The following HERC5 variants were observed in gnomAD, a reference collection of about 807,000 sequenced individuals.
HERC5 encodes the protein HECT and RLD domain containing E3 ubiquitin protein ligase 5.
In HERC5, 99 loss-of-function variants were observed where a neutral mutation model predicts 119.6. The ratio of observed to expected loss-of-function variants is 0.83; its 90% CI spans 0.70 to 0.98. The LOEUF is 0.98. HERC5 is among the 50% of genes least tolerant of loss of function. HERC5 has a pLI of 0.00. For synonymous variants in HERC5, 478 were observed against 445.9 expected (o/e 1.07, Z -0.91); for missense variants, 1,267 against 1,241.3 (o/e 1.02, Z -0.31).
intron 14 of HERC5, among the ~76,000 whole-genome samples, chr4:88,486,432 G>T (rs1741469510): frequency 6.6e-6 from 1 of 152,160 alleles, no homozygotes; most frequent in Admixed American, 6.5e-5. Context: ...TATGAAAAAT[G>T]CACAAAAAGG....
chr4:88,476,845 G>C (rs1198728960), intron 12 of HERC5, among the ~76,000 whole-genome samples: 2 of 151,746 alleles, frequency 1.3e-5, no homozygotes, highest in Non-Finnish European at 2.9e-5. Context: ...CGCTTGACCT[G>C]AGAGGCAGAG....
At chr4:88,485,358 G>A (rs1490194744) in intron 13 of HERC5, among the ~76,000 whole-genome samples, 1 of 152,188 alleles carries the variant, frequency 6.6e-6, no homozygotes, top group Non-Finnish European at 1.5e-5. Context: ...AATGATAAAT[G>A]TAAGGCCAAG....
chr4:88,460,854 G>C (rs981540143), intron 3 of HERC5, among the ~76,000 whole-genome samples: 2 of 152,114 alleles, frequency 1.3e-5, no homozygotes, highest in Non-Finnish European at 2.9e-5. Context: ...GCTGGGCATG[G>C]TGGCTTCCAC....
At chr4:88,483,304 G>A (rs1741344887) in intron 13 of HERC5, among the ~76,000 whole-genome samples, 1 of 151,730 alleles carries the variant, frequency 6.6e-6, no homozygotes, top group Admixed American at 6.6e-5. Context: ...GAACTCCTGG[G>A]CTCAAGTGAT....
chr4:88,467,152 C>T lies in HERC5; in HGVS notation c.1005C>T (p.Asp335=). 1.2e-6 allele frequency: 2 copies of T among 1,614,122 alleles called. No individual in the cohort carries two copies. Among genetic ancestry groups the T allele is most frequent in the Non-Finnish European group, 1.7e-6 (2 of 1,180,014 alleles). The change falls in exon 7 of 23, where the codon GAC becomes GAT. Residue 335 remains aspartate (D), a synonymous_variant. Transcript: ENST00000264350. ...AACTGGGAAATGGTGGAACACGTGA[C>T]CAGCTGATGCCGCTTCCAGTGAAAG... The part of the protein sequence containing the change: ...DGQLGNGGTR[D]QLMPLPVKVS...
rs141482515 is a variant in HERC5, at chr4:88,493,044, C to T, written c.2166C>T (p.Leu722=). 3.1e-6 allele frequency: 5 copies of T among 1,613,728 alleles called. No homozygotes were observed. Among genetic ancestry groups the T allele is most frequent in the African/African-American group, 2.7e-5 (2 of 74,890 alleles). The change falls in exon 17 of 23, where the codon CTC becomes CTT. Residue 722 remains leucine (L), a synonymous_variant. Transcript: ENST00000264350. ...TTAGTGGAGAAATTGGGTATGACCTCGGAGGAGTCAAGAAAGAGTTCTTCT... is the reference window on the plus strand; with the variant it reads ...TTAGTGGAGAAATTGGGTATGACCTTGGAGGAGTCAAGAAAGAGTTCTTCT... ...VSFSGEIGYD[L]GGVKKEFFYC...
intron 9 of HERC5, among the ~76,000 whole-genome samples, chr4:88,470,347 A>G (rs528863674): frequency 6.6e-6 from 1 of 152,306 alleles, no homozygotes; most frequent in East Asian, 1.9e-4. Context: ...CCATAAATCA[A>G]GCCTTTCCTC....
At position 88,467,206 on chromosome 4, in the gene HERC5, T is replaced by G; in HGVS notation, c.1057+2T>G. 2 of 1,614,046 alleles carry G rather than the reference T, an allele frequency of 1.2e-6. No homozygotes were observed. Among genetic ancestry groups the G allele is most frequent in the Non-Finnish European group, 1.7e-6 (2 of 1,179,922 alleles). On this transcript the variant is annotated splice_donor_variant, in intron 7 of 22. Transcript: ENST00000264350. LOFTEE classifies it high-confidence loss of function. ...CATCAAGTGAAGAACTCAAACTTGG[T>G]AAATTCTATAGGAACATAGGGTTTG... is the stretch of plus-strand genomic sequence containing the variant.
rs570392815 is a variant in HERC5, at chr4:88,468,290, T to C, written c.1058-56T>C. ...AATCTGAAGTTATTTAAATTGAACA[T>C]GCATGTTTGTGCCAAATGACTTTCT... On this transcript the variant is annotated intron_variant, in intron 7 of 22. Coordinates refer to ENST00000264350, the MANE Select transcript of HERC5 (RefSeq NM_016323.4). 74 of 1,169,478 alleles carry C rather than the reference T, an allele frequency of 6.3e-5. No individual in the cohort carries two copies. In the East Asian group the frequency reaches 1.8e-3, roughly 28 times the overall value. 72.4% of individuals were successfully genotyped at this position (1,169,478 alleles called of 1,614,324 possible). A position where few individuals can be genotyped will look rare whatever the true frequency, so the allele number is the denominator to read the frequency against.
intron 13 of HERC5, among the ~76,000 whole-genome samples, chr4:88,485,510 G>C (rs1223424939): frequency 6.6e-6 from 1 of 152,182 alleles, no homozygotes. Flanking sequence ...AGTGCATATA[G>C]CCAAGATGAG....
chr4:88,457,259 G>C lies in HERC5; in HGVS notation c.-11G>C. 1 of 1,325,102 alleles carries C rather than the reference G, an allele frequency of 7.5e-7. No individual in the cohort carries two copies. The highest frequency in any genetic ancestry group is 9.6e-7 in the Non-Finnish European group (1 of 1,038,532). The allele number at this position is 1,325,102 out of a possible 1,614,324, so 82.1% of individuals were successfully genotyped here. ...CTCTCGCCTCTGGGCCTGGGACCCC[G>C]CAAAGCGGCGATGGAGCGGAGGTCG... On this transcript the variant is annotated 5_prime_UTR_variant, in exon 1 of 23. Transcript: ENST00000264350.
intron 14 of HERC5, 130 bp from the exon 15 acceptor site, chr4:88,486,939 A>C (rs1286504678): frequency 1.7e-6 from 1 of 577,442 alleles, no homozygotes; most frequent in Admixed American, 3.3e-5. Flanking sequence ...GGTACTATGG[A>C]CCAGTAATTT....
At chr4:88,463,817 A>T (rs1334119251) in intron 5 of HERC5, 38 bp from the exon 6 acceptor site, 1 of 1,605,006 alleles carries the variant, frequency 6.2e-7, no homozygotes. Context: ...TTTTTATTTT[A>T]TTTTTCTAGC....
rs1741054094 is a variant in HERC5 at position 88,475,992 on chromosome 4, T to C, written c.1544T>C (p.Val515Ala). The C allele has an allele frequency of 1.4e-5, 22 of 1,613,954 alleles. No individual in the cohort carries two copies. The highest frequency in any genetic ancestry group is 1.8e-5 in the Non-Finnish European group (21 of 1,180,000). Residue 515 changes from valine to alanine, a missense_variant, in exon 12 of 23, where the codon GTT (valine) becomes GCT (alanine). Transcript: ENST00000264350. ...WESLVVPFAK[V>A]VCKMSDQSSL... ...AGCCTTGTGGTTCCATTTGCAAAGG[T>C]TGTTTGTAAAATGAGTGACCAGTCT...
chr4:88,477,265 G>A (rs1399344298), intron 12 of HERC5, among the ~76,000 whole-genome samples: 1 of 11,284 alleles, frequency 8.9e-5, no homozygotes, highest in Non-Finnish European at 1.5e-4. Flanking sequence ...GAAGGGGGAG[G>A]GGAGGGAAGG....
chr4:88,469,236 C>G lies in HERC5; in HGVS notation c.1214C>G (p.Thr405Ser). 6.2e-7 allele frequency: 1 copy of G among 1,612,874 alleles called. No homozygotes were observed. The highest frequency in any genetic ancestry group is 8.5e-7 in the Non-Finnish European group (1 of 1,178,918). Reference protein sequence around the residue: ...TVKRWIADVETKRWQSTKREI... With the variant: ...TVKRWIADVESKRWQSTKREI... ...AAGAGATGGATTGCTGATGTGGAGA[C>G]TAAACGGTGGCAGAGCACAAAAAGG... Residue 405 changes from threonine to serine, a missense_variant, in exon 9 of 23, where the codon ACT becomes AGT. Transcript: ENST00000264350.
chr4:88,499,888 T>C (rs781658713), intron 18 of HERC5, 38 bp from the exon 19 acceptor site: 1 of 1,397,686 alleles, frequency 7.2e-7, no homozygotes, highest in Admixed American at 1.7e-5. Flanking sequence ...GTGATCATGG[T>C]TATTACCTTT....
At chr4:88,498,527 GA>G (rs1033113054) in intron 18 of HERC5, among the ~76,000 whole-genome samples, 2 of 152,088 alleles carry the variant, frequency 1.3e-5, no homozygotes, top group African/African-American at 4.8e-5. Context: ...ATTCCCTTTT[GA>G]AATGGGAATG....
chr4:88,494,559 T>C (rs886184723), intron 18 of HERC5, among the ~76,000 whole-genome samples: 2 of 152,222 alleles, frequency 1.3e-5, no homozygotes, highest in African/African-American at 2.4e-5. Flanking sequence ...TCTTTCAACT[T>C]TTTCTGTGTA....
Sources: gnomAD v4.1 joint callset for allele counts (sites outside exome capture counted in the v4.1 genomes callset) on GRCh38, gnomAD v4.1.1 for gene constraint, MANE v1.5 for transcripts, NCBI Gene and HGNC (gene_info 2026-07-23, HGNC 2026-07-21) for gene names.